DNAH7: variants seen among roughly 807,000 people sequenced by gnomAD.
DNAH7 encodes axonemal beta dynein heavy chain 7.
DNAH7 carries 397 observed loss-of-function variants against 444.6 expected under a neutral mutation model. That is an observed-to-expected ratio of 0.89 (90% CI 0.82 to 0.97). The LOEUF (loss-of-function observed/expected upper bound fraction) is 0.97. Among genes scored for constraint, DNAH7 ranks in the 50% least tolerant of loss-of-function variants. DNAH7 has a pLI of 0.00. For synonymous variants in DNAH7, 1,636 were observed against 1,624.4 expected, an observed-to-expected ratio of 1.01 and a Z score of -0.17; for missense variants, 4,902 against 4,800.8, an observed-to-expected ratio of 1.02 and a Z score of -0.62.
rs1559089621 is a variant in DNAH7 at position 195,778,635 on chromosome 2, AATAAATAAAT to A, written c.10879-660_10879-651del. Among the ~76,000 whole-genome samples, 63 of 47,700 alleles carry A rather than the reference AATAAATAAAT, an allele frequency of 1.3e-3. 12 individuals are homozygous for A. Among genetic ancestry groups the A allele is most frequent in the African/African-American group, 5.5e-3 (59 of 10,650 alleles). 31.3% of individuals were successfully genotyped at this position (47,700 alleles called of 152,430 possible). On this transcript the variant is annotated intron_variant, in intron 58 of 64. Transcript: ENST00000312428. ...CCCTGTCTGAAAAAAAAAAAAAATAAATAAATAAATATATATATATATATATATATATATA... is the reference window on the plus strand; with the variant it reads ...CCCTGTCTGAAAAAAAAAAAAAATAAATATATATATATATATATATATATA...
intron 7 of DNAH7, among the ~76,000 whole-genome samples, chr2:196,025,383 T>G (rs1248628102): frequency 6.6e-6 from 1 of 152,124 alleles, no homozygotes; most frequent in Admixed American, 6.5e-5. Context: ...ATTACCCCCT[T>G]CCCTACAATC....
In DNAH7 at chr2:195,834,287, CT is replaced by C; in HGVS notation, c.9018del (p.Ala3007ProfsTer6). ...AGTTTAATCACATAAAGACTATTGG[CT>C]TTTTCCATGTTCTTGATCCATTTAT... ...QANKWIKNMEKANSLYVIKLS... is the reference protein window; with the variant it reads ...QANKWIKNMEXANSLYVIKLS... On this transcript the variant is annotated frameshift_variant, in exon 48 of 65. Coordinates refer to ENST00000312428, the MANE Select transcript of DNAH7 (RefSeq NM_018897.3). LOFTEE classifies it high-confidence loss of function. 6.2e-7 allele frequency: 1 copy of C among 1,609,070 alleles called. No individual in the cohort carries two copies. The highest frequency in any genetic ancestry group is 8.5e-7 in the Non-Finnish European group (1 of 1,175,866).
intron 12 of DNAH7, among the ~76,000 whole-genome samples, chr2:195,989,322 C>T (rs1305696709): frequency 1.3e-5 from 2 of 152,170 alleles, no homozygotes; most frequent in African/African-American, 4.8e-5. Context: ...GTAGGGGTTC[C>T]CTTTTCTCTA....
At chr2:195,782,182 A>G (rs1347399453) in intron 58 of DNAH7, among the ~76,000 whole-genome samples, 1 of 152,198 alleles carries the variant, frequency 6.6e-6, no homozygotes, top group Non-Finnish European at 1.5e-5. Context: ...GCAAATAACC[A>G]ATTATTCTAA....
chr2:195,851,695 A>AG (rs912041094), intron 46 of DNAH7, among the ~76,000 whole-genome samples: 13 of 152,270 alleles, frequency 8.5e-5, no homozygotes, highest in African/African-American at 3.1e-4. Flanking sequence ...TAGCTCTCCA[A>AG]GCACTGGGTA....
At position 195,858,563 on chromosome 2, in the gene DNAH7, C is replaced by T; in HGVS notation, c.7978G>A (p.Ala2660Thr). ...TCAGCATCGCACTCATCTTTGATGG[C>T]TTTGGAAGCCATAGCTTGTTCATTC... ...IANEQAMASKAIKDECDADLA... is the reference protein window; with the variant it reads ...IANEQAMASKTIKDECDADLA... The change falls in exon 43 of 65, where the codon GCC (alanine) becomes ACC (threonine). Residue 2660 changes from alanine to threonine, a missense_variant. Coordinates refer to ENST00000312428, the MANE Select transcript of DNAH7 (RefSeq NM_018897.3). 1 of 1,613,982 alleles carries T rather than the reference C, an allele frequency of 6.2e-7. No individual in the cohort carries two copies. The highest frequency in any genetic ancestry group is 1.7e-5 in the Admixed American group (1 of 59,942).
chr2:196,008,659 C>G (rs936638676), intron 10 of DNAH7, among the ~76,000 whole-genome samples: 1 of 152,128 alleles, frequency 6.6e-6, no homozygotes, highest in Admixed American at 6.6e-5. Flanking sequence ...AAACATTATG[C>G]TTCCTGTAAG....
Position 195,881,796 on chromosome 2 carries a change from G to A in DNAH7, c.5960C>T (p.Thr1987Met), listed in dbSNP as rs200770753. 6.8e-4 allele frequency: 1,098 copies of A among 1,613,134 alleles called. 1 individual carries two copies. The highest frequency in any genetic ancestry group is 8.5e-4 in the Non-Finnish European group (1,006 of 1,179,190). Residue 1987 changes from threonine (T) to methionine (M), a missense_variant and splice_region_variant, in exon 36 of 65, where the codon ACG becomes ATG. Physicochemically the swap from Thr to Met is moderately conservative, Grantham distance 81. Transcript: ENST00000312428. ...PTGTGKSVYI[T>M]NFLLNQLNKE... The stretch of plus-strand genomic sequence containing the variant: ...TACGCAGATTTCTGCAGTACTTACC[G>A]TAATGTAAACACTTTTCCCAGTTCC...
At chr2:195,980,080 A>AAAAAAAAAAT (rs1692469300) in intron 15 of DNAH7, among the ~76,000 whole-genome samples, 1 of 149,472 alleles carries the variant, frequency 6.7e-6, no homozygotes. Context: ...AAAAAAAAAA[A>AAAAAAAAAAT]AAAAAACTAG....
intron 63 of DNAH7, among the ~76,000 whole-genome samples, chr2:195,748,859 G>T (rs1192858575): frequency 6.6e-6 from 1 of 152,064 alleles, no homozygotes; most frequent in Non-Finnish European, 1.5e-5. Context: ...AGACTTAAAC[G>T]TTAGACCTAA....
intron 27 of DNAH7, chr2:195,902,517 AG>A: frequency 6.6e-6 from 1 of 152,204 alleles, no homozygotes; most frequent in African/African-American, 2.4e-5. Context: ...CAATGGGGTT[AG>A]GGTGGTAAAG....
chr2:195,754,453 G>A lies in DNAH7; in HGVS notation c.11648C>T (p.Ala3883Val). 6.2e-7 allele frequency: 1 copy of A among 1,614,106 alleles called. No individual in the cohort carries two copies. The highest frequency in any genetic ancestry group is 8.5e-7 in the Non-Finnish European group (1 of 1,179,976). ...FWLSGFFFTQAFLTGAQQNYA... is the reference protein window; with the variant it reads ...FWLSGFFFTQVFLTGAQQNYA... The stretch of plus-strand genomic sequence containing the variant: ...GTTCTGCTGGGCACCGGTCAGGAAG[G>A]CTTGTGTGAAGAAGAAGCCAGAAAG... The change falls in exon 63 of 65, where the codon GCC becomes GTC. Residue 3883 changes from alanine to valine, a missense_variant. By Grantham distance (64) the Ala-to-Val change is moderately conservative. Coordinates refer to ENST00000312428, the MANE Select transcript of DNAH7 (RefSeq NM_018897.3).
chr2:195,749,739 A>G (rs981703215), intron 63 of DNAH7, among the ~76,000 whole-genome samples: 3 of 151,220 alleles, frequency 2.0e-5, no homozygotes, highest in African/African-American at 4.9e-5. Context: ...AGAACAAGAA[A>G]CCAAACACCG....
At chr2:195,980,936 C>G in intron 15 of DNAH7, among the ~76,000 whole-genome samples, 1 of 152,062 alleles carries the variant, frequency 6.6e-6, no homozygotes, top group East Asian at 1.9e-4. Flanking sequence ...AAATCTGGAA[C>G]ACAACAAGGA....
At chr2:195,738,315 T>G (rs77570341) in intron 64 of DNAH7, among the ~76,000 whole-genome samples, 188 bp from the exon 65 acceptor site, 1 of 152,152 alleles carries the variant, frequency 6.6e-6, no homozygotes, top group Non-Finnish European at 1.5e-5. Context: ...CTGAAAAAAA[T>G]AGTTTTCGCC....
intron 21 of DNAH7, among the ~76,000 whole-genome samples, chr2:195,932,917 G>A (rs571150203): frequency 1.1e-4 from 16 of 152,252 alleles, no homozygotes; most frequent in East Asian, 7.7e-4. Context: ...TTGGTAGCAG[G>A]ATGATGCTGG....
chr2:195,773,419 G>A (rs1694930065), intron 60 of DNAH7, among the ~76,000 whole-genome samples: 5 of 25,182 alleles, frequency 2.0e-4, no homozygotes, highest in East Asian at 2.9e-3. Flanking sequence ...CTGTGCCTCT[G>A]CAAAAAAAAA....
At chr2:195,798,203 GAT>G (rs1696256842) in intron 55 of DNAH7, among the ~76,000 whole-genome samples, 1 of 152,046 alleles carries the variant, frequency 6.6e-6, no homozygotes, top group Non-Finnish European at 1.5e-5. Context: ...CCTTTGAGGA[GAT>G]ACTTAACCTG....
chr2:196,027,823 T>C (rs1448020238), intron 6 of DNAH7, 137 bp downstream of exon 6: 1 of 672,772 alleles, frequency 1.5e-6, no homozygotes, highest in Non-Finnish European at 2.3e-6. Flanking sequence ...ATGGTGCCTT[T>C]TTATAGAACT....
Sources: gnomAD v4.1 joint callset for allele counts (sites outside exome capture counted in the v4.1 genomes callset) on GRCh38, gnomAD v4.1.1 for gene constraint, MANE v1.5 for transcripts, NCBI Gene and HGNC (gene_info 2026-07-23, HGNC 2026-07-21) for gene names.